Variants in MTMR3 observed in about 807,000 individuals in gnomAD.
The protein encoded by MTMR3 is phosphatidylinositol-3,5-bisphosphate 3-phosphatase MTMR3.
In MTMR3, 32 loss-of-function variants were observed where a neutral mutation model predicts 132.4. The ratio of observed to expected loss-of-function variants is 0.24; its 90% CI spans 0.18 to 0.32. The LOEUF (loss-of-function observed/expected upper bound fraction) is 0.32, where lower values mean the gene tolerates loss of function less well. MTMR3 is among the 10% of genes least tolerant of loss of function. The pLI is 1.00. For synonymous variants in MTMR3, 556 were observed against 550.3 expected, an observed-to-expected ratio of 1.01 and a Z score of -0.14; for missense variants, 1,216 against 1,489.6, an observed-to-expected ratio of 0.82 and a Z score of 3.02.
chr22:29,929,220 G>T (rs924308250), intron 1 of MTMR3, among the ~76,000 whole-genome samples: 11 of 152,180 alleles, frequency 7.2e-5, no homozygotes, highest in African/African-American at 2.6e-4. Context: ...GGCAGAGGTT[G>T]CAGTGAGCTG....
chr22:30,021,938 G>T, intron 17 of MTMR3, 91 bp from the exon 18 acceptor site: 1 of 995,240 alleles, frequency 1.0e-6, no homozygotes, highest in East Asian at 2.4e-5. Flanking sequence ...GCCCCACCCA[G>T]AGTCCTCAGT....
Position 29,979,118 on chromosome 22 carries a change from T to G in MTMR3, c.210+66T>G, listed in dbSNP as rs1366119924. On this transcript the variant is annotated intron_variant, in intron 5 of 19. Coordinates refer to ENST00000401950, the MANE Select transcript of MTMR3 (RefSeq NM_021090.4). Reference sequence around the variant, plus strand: ...GAAAGTAAGTCAAAAAACTTAATGCTCTCAAAGAGAGGAGAGGCATACAGA... The same window carrying G: ...GAAAGTAAGTCAAAAAACTTAATGCGCTCAAAGAGAGGAGAGGCATACAGA... 12 of 1,073,136 alleles carry G rather than the reference T, an allele frequency of 1.1e-5. No homozygotes were observed. The East Asian group carries it at 2.6e-4, about 23-fold the overall frequency. The allele number at this position is 1,073,136 out of a possible 1,614,324, so 66.5% of individuals were successfully genotyped here.
At chr22:29,949,194 C>T (rs897647166) in intron 1 of MTMR3, among the ~76,000 whole-genome samples, 34 of 137,366 alleles carry the variant, frequency 2.5e-4, no homozygotes, top group Non-Finnish European at 4.8e-4. Context: ...CACATGCGTG[C>T]GCGTGCACGC....
intron 1 of MTMR3, among the ~76,000 whole-genome samples, chr22:29,896,902 C>CACACACACACACACAT (rs1272446403): frequency 1.3e-5 from 2 of 148,750 alleles, no homozygotes; most frequent in Non-Finnish European, 3.0e-5. Flanking sequence ...CACACACACA[C>CACACACACACACACAT]ATACACACAC....
rs764625491 is a variant in MTMR3 at position 30,016,619 on chromosome 22, G to A, written c.1595G>A (p.Arg532Gln). The change falls in exon 15 of 20, where the codon CGG becomes CAG. Residue 532 changes from arginine (R) to glutamine (Q), a missense_variant. Physicochemically the swap from Arg to Gln is conservative, Grantham distance 43. Transcript: ENST00000401950. ...AGAGGGGAAAAGCATACTCAGGAAC[G>A]GACATGTTCCGTGTGGTCACTTCTT... ...KERGEKHTQERTCSVWSLLRA... is the reference protein window; with the variant it reads ...KERGEKHTQEQTCSVWSLLRA... The A allele has an allele frequency of 1.9e-6, 3 of 1,614,172 alleles. No individual in the cohort carries two copies. Among genetic ancestry groups the A allele is most frequent in the South Asian group, 1.1e-5 (1 of 91,082 alleles).
chr22:29,991,557 A>ACG lies in MTMR3; in HGVS notation c.349_350dup (p.Ile118GlnfsTer8). The ACG allele has an allele frequency of 6.2e-7, 1 of 1,614,112 alleles. No homozygotes were observed. Among genetic ancestry groups the ACG allele is most frequent in the Non-Finnish European group, 8.5e-7 (1 of 1,179,986 alleles). ...CAAGAGTGGCTGAAGAGACTGAACA[A>ACG]CGCAATCCGACCACCTGCTAAAATA... On this transcript the variant is annotated frameshift_variant, in exon 7 of 20. Transcript: ENST00000401950. LOFTEE classifies it high-confidence loss of function.
At chr22:29,955,784 C>T (rs1310286683) in intron 1 of MTMR3, among the ~76,000 whole-genome samples, 1 of 152,072 alleles carries the variant, frequency 6.6e-6, no homozygotes, top group East Asian at 1.9e-4. Context: ...TGGAATCTCA[C>T]ACTGTCGCCA....
In MTMR3 at chr22:29,912,395, T is replaced by G. The variant is rs975695459; in HGVS notation, c.-138+29036T>G. On this transcript the variant is annotated intron_variant, in intron 1 of 19. Transcript: ENST00000401950. ...GCCTCAAACTCCTGGGCTCAAAGGA[T>G]CCTCCTGCCTCCCAAGTAGCTGGGA... Among the ~76,000 whole-genome samples the G allele has an allele frequency of 2.6e-5, 4 of 152,114 alleles. No individual in the cohort carries two copies. The East Asian group carries it at 5.8e-4, about 22-fold the overall frequency.
chr22:29,964,556 C>T (rs898658760), intron 2 of MTMR3, among the ~76,000 whole-genome samples: 3 of 152,142 alleles, frequency 2.0e-5, no homozygotes, highest in Non-Finnish European at 4.4e-5. Flanking sequence ...TTTCTTGTCT[C>T]CTCTGGACTG....
chr22:29,946,689 T>G (rs2145822789), intron 1 of MTMR3, among the ~76,000 whole-genome samples: 1 of 152,306 alleles, frequency 6.6e-6, no homozygotes, highest in African/African-American at 2.4e-5. Flanking sequence ...TTGCAGTATC[T>G]GTATACCAAA....
intron 7 of MTMR3, 51 bp downstream of exon 7, chr22:29,991,721 A>C (rs2066964638): frequency 1.3e-6 from 2 of 1,496,816 alleles, no homozygotes; most frequent in Non-Finnish European, 1.8e-6. Flanking sequence ...CAAGCTACTG[A>C]TGGAGGTACT....
chr22:29,918,112 C>T (rs532748642), intron 1 of MTMR3, among the ~76,000 whole-genome samples: 15 of 152,130 alleles, frequency 9.9e-5, no homozygotes, highest in African/African-American at 2.2e-4. Context: ...ATTGCTAATG[C>T]GGTGAGTTTA....
intron 12 of MTMR3, chr22:30,011,890 A>G (rs2067437608): frequency 6.5e-6 from 1 of 154,202 alleles, no homozygotes; most frequent in Admixed American, 6.5e-5. Context: ...TATGGCATCC[A>G]GCTTATGTCT....
intron 2 of MTMR3, among the ~76,000 whole-genome samples, chr22:29,965,539 G>A (rs1481780112): frequency 2.0e-5 from 3 of 152,082 alleles, no homozygotes; most frequent in African/African-American, 7.2e-5. Context: ...ACAAAAATTA[G>A]CCAGGCATGG....
chr22:30,004,823 G>A (rs1476399180), intron 9 of MTMR3: 2 of 152,222 alleles, frequency 1.3e-5, no homozygotes, highest in South Asian at 2.1e-4. Flanking sequence ...CAGGATGCCT[G>A]GAACTCTTGA....
At chr22:29,885,035 G>A (rs376572779) in intron 1 of MTMR3, among the ~76,000 whole-genome samples, 5 of 152,108 alleles carry the variant, frequency 3.3e-5, no homozygotes. Context: ...GTACAGCCCC[G>A]CTTGTCGTTA....
intron 1 of MTMR3, among the ~76,000 whole-genome samples, chr22:29,908,644 T>G (rs1487327574): frequency 6.6e-6 from 1 of 150,980 alleles, no homozygotes; most frequent in African/African-American, 2.4e-5. Flanking sequence ...CTTTTTCATT[T>G]TGTTGAAGGG....
At chr22:29,936,626 A>C (rs2065755154) in intron 1 of MTMR3, among the ~76,000 whole-genome samples, 1 of 152,212 alleles carries the variant, frequency 6.6e-6, no homozygotes, top group African/African-American at 2.4e-5. Context: ...ATATTTAATA[A>C]GTGTTCAACT....
intron 15 of MTMR3, 76 bp from the exon 16 acceptor site, chr22:30,017,851 C>T: frequency 1.3e-6 from 2 of 1,585,134 alleles, no homozygotes; most frequent in South Asian, 1.1e-5. Context: ...TGGGTGCTTG[C>T]TCTTGATCCT....
Sources: gnomAD v4.1 joint callset for allele counts (sites outside exome capture counted in the v4.1 genomes callset) on GRCh38, gnomAD v4.1.1 for gene constraint, MANE v1.5 for transcripts, NCBI Gene and HGNC (gene_info 2026-07-23, HGNC 2026-07-21) for gene names.